Variants in EPHB1 observed in about 807,000 individuals in gnomAD.
EPHB1 encodes ephrin type-B receptor 1.
EPHB1 carries 30 observed loss-of-function variants against 94.4 expected under a neutral mutation model. That is an observed-to-expected ratio of 0.32 (90% confidence interval 0.24 to 0.43). The LOEUF (loss-of-function observed/expected upper bound fraction) is 0.43. Ranked by LOEUF, EPHB1 falls within the 20% of genes least tolerant of loss-of-function variation. The pLI, the probability that EPHB1 is intolerant of heterozygous loss-of-function variation, is 1.00. For synonymous variants in EPHB1, 522 were observed against 489.1 expected (o/e 1.07, Z -0.89); for missense variants, 1,055 against 1,308.3 (o/e 0.81, Z 2.99).
At chr3:135,238,466 G>A (rs1943706489) in intron 12 of EPHB1, among the ~76,000 whole-genome samples, 1 of 152,216 alleles carries the variant, frequency 6.6e-6, no homozygotes, top group South Asian at 2.1e-4. Flanking sequence ...AGGCAGGAGG[G>A]AGCGGCTCCA....
chr3:135,042,726 G>C (rs982171579), intron 3 of EPHB1, among the ~76,000 whole-genome samples: 3 of 152,184 alleles, frequency 2.0e-5, no homozygotes, highest in Non-Finnish European at 4.4e-5. Flanking sequence ...GTAAGGTGCT[G>C]CCTTATTATC....
intron 3 of EPHB1, among the ~76,000 whole-genome samples, chr3:134,966,618 G>T (rs1270172008): frequency 2.0e-5 from 3 of 152,232 alleles, no homozygotes; most frequent in Non-Finnish European, 4.4e-5. Flanking sequence ...TCCCAGGCAG[G>T]GCTGGCTTCC....
chr3:135,057,772 A>G (rs1157500960), intron 3 of EPHB1, among the ~76,000 whole-genome samples: 1 of 152,206 alleles, frequency 6.6e-6, no homozygotes, highest in Non-Finnish European at 1.5e-5. Context: ...ATATATCTGT[A>G]TGATACATGA....
intron 1 of EPHB1, among the ~76,000 whole-genome samples, chr3:134,823,527 T>C (rs1043787202): frequency 5.3e-5 from 8 of 152,186 alleles, no homozygotes; most frequent in East Asian, 1.9e-4. Flanking sequence ...GAAACTCTCA[T>C]GTACCGCTTG....
chr3:134,916,887 A>T (rs113079028), intron 1 of EPHB1, among the ~76,000 whole-genome samples: 1 of 152,218 alleles, frequency 6.6e-6, no homozygotes, highest in African/African-American at 2.4e-5. Flanking sequence ...AAGAGCGAGC[A>T]AGGGCTGCGA....
intron 3 of EPHB1, among the ~76,000 whole-genome samples, chr3:134,953,508 G>C (rs1462250067): frequency 6.6e-6 from 1 of 152,232 alleles, no homozygotes; most frequent in African/African-American, 2.4e-5. Flanking sequence ...TGTCCCATTG[G>C]TTGGGATGGG....
At chr3:135,173,507 TC>T (rs1941878785) in intron 9 of EPHB1, among the ~76,000 whole-genome samples, 1 of 152,184 alleles carries the variant, frequency 6.6e-6, no homozygotes, top group African/African-American at 2.4e-5. Flanking sequence ...TGCATTGTCC[TC>T]CCTGAGGTTC....
chr3:135,134,282 C>A (rs1262165713), intron 5 of EPHB1, among the ~76,000 whole-genome samples: 1 of 152,204 alleles, frequency 6.6e-6, no homozygotes, highest in Non-Finnish European at 1.5e-5. Context: ...CTGTGTATCT[C>A]CCCCTCCCTG....
chr3:135,118,036 A>T (rs1308649394), intron 4 of EPHB1, among the ~76,000 whole-genome samples: 1 of 152,230 alleles, frequency 6.6e-6, no homozygotes, highest in Non-Finnish European at 1.5e-5. Context: ...AAAGCCACTC[A>T]GTTCTCACAA....
intron 3 of EPHB1, among the ~76,000 whole-genome samples, chr3:134,960,983 A>G (rs6806959): frequency 0.49 from 74,051 of 151,918 alleles, 18,753 homozygotes; most frequent in African/African-American, 0.6. Flanking sequence ...TGGTCCTTGG[A>G]GGCCCACTCT....
intron 3 of EPHB1, among the ~76,000 whole-genome samples, chr3:135,064,787 G>A (rs992958186): frequency 6.6e-5 from 10 of 151,930 alleles, no homozygotes; most frequent in African/African-American, 1.5e-4. Context: ...TCTTTGAGGC[G>A]TAACCTTAGA....
intron 1 of EPHB1, among the ~76,000 whole-genome samples, chr3:134,843,507 A>G (rs1438237336): frequency 6.6e-6 from 1 of 151,946 alleles, no homozygotes; most frequent in African/African-American, 2.4e-5. Context: ...AAGTTTTTTT[A>G]TCACATGTAT....
intron 3 of EPHB1, among the ~76,000 whole-genome samples, chr3:135,088,194 C>T (rs368654778): frequency 1.8e-4 from 28 of 152,218 alleles, no homozygotes; most frequent in African/African-American, 6.7e-4. Context: ...ATATGCCCAT[C>T]GTTACAGAAT....
intron 3 of EPHB1, among the ~76,000 whole-genome samples, chr3:135,096,934 TA>T (rs1249911565): frequency 2.0e-5 from 3 of 151,454 alleles, no homozygotes; most frequent in Non-Finnish European, 3.0e-5. Flanking sequence ...CGTCTCTACT[TA>T]AAAAACAAAA....
At chr3:135,133,140 C>T (rs1279795103) in intron 5 of EPHB1, 91 bp downstream of exon 5, 3 of 1,272,162 alleles carry the variant, frequency 2.4e-6, no homozygotes, top group Admixed American at 5.1e-5. Context: ...ACCCATCCTG[C>T]CCGTGTACTG....
chr3:135,138,490 T>C (rs961498904), intron 5 of EPHB1, among the ~76,000 whole-genome samples: 4 of 152,250 alleles, frequency 2.6e-5, no homozygotes. Flanking sequence ...TTGAGCTCTT[T>C]GGAGGAAAGA....
chr3:134,898,971 G>A (rs539866436), intron 1 of EPHB1, among the ~76,000 whole-genome samples: 1 of 152,308 alleles, frequency 6.6e-6, no homozygotes, highest in South Asian at 2.1e-4. Context: ...CAGGGAGTGG[G>A]GGTGGAGGGC....
chr3:134,952,856 T>C (rs1181238540), intron 3 of EPHB1, among the ~76,000 whole-genome samples: 1 of 151,944 alleles, frequency 6.6e-6, no homozygotes, highest in Admixed American at 6.6e-5. Flanking sequence ...GCTCTGGGAG[T>C]GAATAGAAGG....
chr3:134,854,566 CCT>C (rs1560264852), intron 1 of EPHB1, among the ~76,000 whole-genome samples: 2 of 152,128 alleles, frequency 1.3e-5, no homozygotes, highest in East Asian at 3.9e-4. Context: ...CACAGAGTGT[CCT>C]CTCCATGGGG....
Sources: gnomAD v4.1 joint callset for allele counts (sites outside exome capture counted in the v4.1 genomes callset) on GRCh38, gnomAD v4.1.1 for gene constraint, MANE v1.5 for transcripts, NCBI Gene and HGNC (gene_info 2026-07-23, HGNC 2026-07-21) for gene names.